The following PXDNL variants were observed in gnomAD, a reference collection of about 807,000 sequenced individuals.
The protein encoded by PXDNL is probable oxidoreductase PXDNL.
PXDNL carries 145 observed loss-of-function variants against 150.8 expected under a neutral mutation model. The observed-to-expected ratio is 0.96, with a 90% CI of 0.84 to 1.10. The LOEUF is 1.10. PXDNL is among the 50% of genes least tolerant of loss of function. The probability of loss-of-function intolerance (pLI) is 0.00; values close to 1 mark genes in which losing one functional copy is unlikely to be tolerated. For missense variants in PXDNL, 2,087 were observed against 1,873.9 expected (o/e 1.11, Z -2.10); for synonymous variants, 757 against 725.7 (o/e 1.04, Z -0.69).
chr8:51,597,407 T>C (rs1251898220), intron 2 of PXDNL, among the ~76,000 whole-genome samples: 1 of 152,134 alleles, frequency 6.6e-6, no homozygotes, highest in Non-Finnish European at 1.5e-5. Context: ...TTCATATAAA[T>C]TTTAGAATAG....
At chr8:51,589,663 G>A (rs1374051635) in intron 3 of PXDNL, among the ~76,000 whole-genome samples, 1 of 152,168 alleles carries the variant, frequency 6.6e-6, no homozygotes, top group East Asian at 1.9e-4. Context: ...GAACTTAAGG[G>A]TGATTAACTA....
At chr8:51,640,360 T>C (rs376410660) in intron 2 of PXDNL, among the ~76,000 whole-genome samples, 6 of 152,014 alleles carry the variant, frequency 3.9e-5, no homozygotes, top group Non-Finnish European at 5.9e-5. Context: ...CCAGGGCAAT[T>C]AGGCAGGAGA....
At chr8:51,800,061 G>A (rs764285813) in intron 1 of PXDNL, among the ~76,000 whole-genome samples, 3 of 152,134 alleles carry the variant, frequency 2.0e-5, no homozygotes, top group East Asian at 3.9e-4. Flanking sequence ...CAACACAGGT[G>A]AGGTAGTAAG....
chr8:51,648,149 A>T (rs538689854), intron 2 of PXDNL, among the ~76,000 whole-genome samples: 1 of 152,318 alleles, frequency 6.6e-6, no homozygotes, highest in Non-Finnish European at 1.5e-5. Context: ...TACGACTATT[A>T]CTACCACCGC....
At chr8:51,557,431 A>G (rs1361059008) in intron 3 of PXDNL, among the ~76,000 whole-genome samples, 1 of 152,130 alleles carries the variant, frequency 6.6e-6, no homozygotes, top group Non-Finnish European at 1.5e-5. Flanking sequence ...TGATACAACT[A>G]ATCTTTACCA....
intron 1 of PXDNL, among the ~76,000 whole-genome samples, chr8:51,794,357 C>A (rs561204024): frequency 2.0e-5 from 3 of 152,230 alleles, no homozygotes; most frequent in African/African-American, 7.2e-5. Flanking sequence ...CCAAGACACA[C>A]AGTCATCAGA....
chr8:51,540,008 C>T (rs559820083), intron 4 of PXDNL, among the ~76,000 whole-genome samples: 95 of 151,978 alleles, frequency 6.3e-4, no homozygotes, highest in African/African-American at 1.5e-3. Context: ...TCTCAACCTC[C>T]GCCTCTCAGG....
intron 17 of PXDNL, among the ~76,000 whole-genome samples, chr8:51,400,949 C>G (rs73579675): frequency 2.0e-5 from 3 of 152,128 alleles, no homozygotes; most frequent in African/African-American, 7.2e-5. Flanking sequence ...CAAATCAAAG[C>G]CTCTTGGAAA....
chr8:51,628,685 G>C (rs1043413120), intron 2 of PXDNL, among the ~76,000 whole-genome samples: 11 of 151,430 alleles, frequency 7.3e-5, no homozygotes, highest in Non-Finnish European at 1.6e-4. Flanking sequence ...TTACAGACGT[G>C]AGCCACCACA....
intron 6 of PXDNL, among the ~76,000 whole-genome samples, chr8:51,482,871 C>T (rs909893692): frequency 2.0e-4 from 31 of 152,182 alleles, no homozygotes; most frequent in Admixed American, 1.6e-3. Context: ...TTATTAGCAG[C>T]AGGAGAACAG....
chr8:51,808,564 T>C (rs16916843), intron 1 of PXDNL, among the ~76,000 whole-genome samples: 30,497 of 152,076 alleles, frequency 0.2, 4,829 homozygotes, highest in African/African-American at 0.43. Flanking sequence ...AAATTCTGGT[T>C]TGCCCTACTA....
chr8:51,354,539 G>A (rs1806446500), intron 19 of PXDNL, among the ~76,000 whole-genome samples: 1 of 152,020 alleles, frequency 6.6e-6, no homozygotes, highest in Non-Finnish European at 1.5e-5. Context: ...ATTCTAAAAG[G>A]GAAGGTCATC....
intron 5 of PXDNL, among the ~76,000 whole-genome samples, chr8:51,494,966 A>G (rs1811008831): frequency 6.6e-6 from 1 of 152,168 alleles, no homozygotes; most frequent in South Asian, 2.1e-4. Context: ...CCCCAAATCA[A>G]CAGAATATAC....
In PXDNL at chr8:51,568,260, C is replaced by G. The variant is rs1812866165; in HGVS notation, c.309-11349G>C. 3.9e-5 allele frequency among the ~76,000 whole-genome samples: 6 copies of G among 151,928 alleles called. No individual in the cohort carries two copies. In the South Asian group the frequency reaches 1.2e-3, roughly 31 times the overall value. On this transcript the variant is annotated intron_variant, in intron 3 of 22. Coordinates refer to ENST00000356297, the MANE Select transcript of PXDNL (RefSeq NM_144651.5). ...TTCAGATCTACATCATTTCCCTTCT[C>G]TTTGAAGGATTTTTTAAACATTCAT...
chr8:51,676,761 C>T (rs541580717), intron 1 of PXDNL, among the ~76,000 whole-genome samples: 205 of 152,328 alleles, frequency 1.3e-3, no homozygotes, highest in Non-Finnish European at 2.1e-3. Context: ...GGTTCATTTT[C>T]ATATTCTTTT....
At chr8:51,393,363 G>A (rs1450844382) in intron 17 of PXDNL, among the ~76,000 whole-genome samples, 1 of 152,162 alleles carries the variant, frequency 6.6e-6, no homozygotes, top group Non-Finnish European at 1.5e-5. Flanking sequence ...TATTCGGGAT[G>A]AGAAGTATGA....
At chr8:51,777,988 G>A (rs755114477) in intron 1 of PXDNL, among the ~76,000 whole-genome samples, 8 of 152,154 alleles carry the variant, frequency 5.3e-5, no homozygotes, top group Non-Finnish European at 7.3e-5. Context: ...TATAGAGCCA[G>A]GGATGAAAGC....
intron 2 of PXDNL, among the ~76,000 whole-genome samples, chr8:51,630,462 A>T (rs1338829784): frequency 6.6e-6 from 1 of 152,106 alleles, no homozygotes; most frequent in African/African-American, 2.4e-5. Flanking sequence ...AAGAGCTTCT[A>T]CGCAGCAAAA....
intron 2 of PXDNL, among the ~76,000 whole-genome samples, chr8:51,593,818 A>C (rs1813502064): frequency 6.6e-6 from 1 of 152,188 alleles, no homozygotes; most frequent in African/African-American, 2.4e-5. Context: ...CAGAACAACC[A>C]ATCTACAGCT....
Sources: allele counts gnomAD v4.1 joint callset (sites outside exome capture counted in the v4.1 genomes callset), GRCh38; gene constraint gnomAD v4.1.1; transcripts MANE v1.5; gene names NCBI Gene and HGNC (gene_info 2026-07-23, HGNC 2026-07-21).